The following RNF38 variants were observed in gnomAD, a reference collection of about 807,000 sequenced individuals.
RNF38 encodes the protein ring finger protein 38.
Under a neutral mutation model 67.2 loss-of-function variants are expected in RNF38, and 15 were observed. The ratio of observed to expected loss-of-function variants is 0.22; its 90% CI spans 0.15 to 0.34. The LOEUF (loss-of-function observed/expected upper bound fraction) is 0.34. Ranked by LOEUF, RNF38 falls within the 10% of genes least tolerant of loss-of-function variation. The pLI is 1.00. For missense variants in RNF38, 524 were observed against 639.9 expected (o/e 0.82, Z 1.95); for synonymous variants, 220 against 218.8 (o/e 1.01, Z -0.05).
At chr9:36,485,158 C>A (rs1429004721) in intron 1 of RNF38, among the ~76,000 whole-genome samples, 1 of 152,178 alleles carries the variant, frequency 6.6e-6, no homozygotes, top group African/African-American at 2.4e-5. Flanking sequence ...GACAGAGAGA[C>A]TCCGTCTCAA....
chr9:36,465,347 TTTC>T (rs534743526), intron 1 of RNF38, among the ~76,000 whole-genome samples: 2 of 152,182 alleles, frequency 1.3e-5, no homozygotes, highest in Non-Finnish European at 2.9e-5. Context: ...GCATTCTTTT[TTTC>T]TTTTTTTTCT....
At position 36,353,259 on chromosome 9, in the gene RNF38, G is replaced by T. The variant is rs755234886; in HGVS notation, c.982C>A (p.Pro328Thr). 6.2e-7 allele frequency: 1 copy of T among 1,613,502 alleles called. No homozygotes were observed. The highest frequency in any genetic ancestry group is 2.2e-5 in the East Asian group (1 of 44,864). ...GGTAATGTTGGGGGGTGGGCTGATG[G>T]AGGGTAAGTAAAACCTCCTACTGGA... ...HLPVGGFTYP[P>T]SAHPPTLPPS... is the part of the protein sequence containing the mutation. Residue 328 changes from proline (P) to threonine (T), a missense_variant, in exon 7 of 12, where the codon CCA becomes ACA. Pro to Thr is a conservative substitution (Grantham distance 38). Coordinates refer to ENST00000259605, the MANE Select transcript of RNF38 (RefSeq NM_022781.5).
chr9:36,423,948 CAAAAAAAAAAAAA>C (rs1176900248), intron 2 of RNF38, among the ~76,000 whole-genome samples: 1 of 7,408 alleles, frequency 1.3e-4, no homozygotes, highest in African/African-American at 4.4e-4. Flanking sequence ...GACTCCGTCT[CAAAAAAAAAAAAA>C]AAAAAAAAAA....
intron 1 of RNF38, among the ~76,000 whole-genome samples, chr9:36,467,013 T>C (rs1306881962): frequency 1.4e-5 from 2 of 145,358 alleles, no homozygotes; most frequent in African/African-American, 2.6e-5. Flanking sequence ...ACCCCGTCTC[T>C]ACTAAAAATA....
intron 3 of RNF38, among the ~76,000 whole-genome samples, chr9:36,371,026 C>G (rs191767080): frequency 6.6e-6 from 1 of 152,228 alleles, no homozygotes; most frequent in East Asian, 1.9e-4. Flanking sequence ...TCATTTTGTT[C>G]TTCTCTGAAA....
intron 4 of RNF38, among the ~76,000 whole-genome samples, chr9:36,366,688 G>A (rs1368197044): frequency 6.6e-6 from 1 of 152,162 alleles, no homozygotes; most frequent in African/African-American, 2.4e-5. Flanking sequence ...TGTGGTAATA[G>A]TCAGCATCCT....
chr9:36,401,326 G>C (rs556020337), upstream of RNF38: 116 of 569,174 alleles, frequency 2.0e-4, no homozygotes, highest in South Asian at 3.1e-4. Flanking sequence ...CTGCCCTGCG[G>C]ACCGCAGGGC....
chr9:36,356,553 G>A (rs1172092878), intron 5 of RNF38, 80 bp from the exon 6 acceptor site: 6 of 1,211,590 alleles, frequency 5.0e-6, no homozygotes, highest in South Asian at 1.7e-5. Context: ...ATTAAAATCT[G>A]TCATTGTCAC....
Position 36,339,606 on chromosome 9 carries a change from T to G in RNF38, c.*146A>C, listed in dbSNP as rs1486552079. On this transcript the variant is annotated 3_prime_UTR_variant, in exon 12 of 12. Coordinates refer to ENST00000259605, the MANE Select transcript of RNF38 (RefSeq NM_022781.5). ...GAAGACTAATTGTAAGCTTTTATAG[T>G]TGATTAAGTCACACAGTGCAAAGAA... 1.6e-6 allele frequency: 1 copy of G among 618,490 alleles called. No homozygotes were observed. Among genetic ancestry groups the G allele is most frequent in the African/African-American group, 1.8e-5 (1 of 54,350 alleles). The allele number at this position is 618,490 out of a possible 1,614,324, so 38.3% of individuals were successfully genotyped here. A position where few individuals can be genotyped will look rare whatever the true frequency, so the allele number is the denominator to read the frequency against.
chr9:36,431,769 C>T (rs528919885), intron 1 of RNF38, among the ~76,000 whole-genome samples: 10 of 152,208 alleles, frequency 6.6e-5, no homozygotes, highest in South Asian at 2.1e-4. Flanking sequence ...ATCTTCAGCC[C>T]CTCTCCTCTC....
At chr9:36,469,488 C>T (rs1390845728) in intron 1 of RNF38, among the ~76,000 whole-genome samples, 1 of 151,576 alleles carries the variant, frequency 6.6e-6, no homozygotes, top group African/African-American at 2.4e-5. Flanking sequence ...GGAGAAACCC[C>T]ATCTCTACTA....
At chr9:36,449,438 T>C (rs1159268223) in intron 1 of RNF38, among the ~76,000 whole-genome samples, 1 of 151,776 alleles carries the variant, frequency 6.6e-6, no homozygotes, top group Non-Finnish European at 1.5e-5. Flanking sequence ...CTCTCTCTTT[T>C]TTTTCCTTTT....
At position 36,354,599 on chromosome 9, in the gene RNF38, A is replaced by G. The variant is rs138319798; in HGVS notation, c.910-1268T>C. Reference sequence around the variant, plus strand: ...CTCATCTGTTTCGCAGACTTTATCAATGCTTCACTCCTTTTTATGAGTGAG... The same window carrying G: ...CTCATCTGTTTCGCAGACTTTATCAGTGCTTCACTCCTTTTTATGAGTGAG... On this transcript the variant is annotated intron_variant, in intron 6 of 11. Transcript: ENST00000259605. 2.8e-4 allele frequency among the ~76,000 whole-genome samples: 43 copies of G among 152,304 alleles called. No individual in the cohort carries two copies. The East Asian group carries it at 8.1e-3, about 29-fold the overall frequency.
chr9:36,430,382 A>G (rs1838902249), intron 1 of RNF38, among the ~76,000 whole-genome samples: 1 of 151,892 alleles, frequency 6.6e-6, no homozygotes, highest in Non-Finnish European at 1.5e-5. Flanking sequence ...AATTTTTTGT[A>G]TTTAGTAGAG....
intron 1 of RNF38, among the ~76,000 whole-genome samples, chr9:36,479,618 G>C (rs934484849): frequency 2.0e-5 from 3 of 152,218 alleles, no homozygotes; most frequent in East Asian, 3.9e-4. Flanking sequence ...CCTTAAGTGA[G>C]GAAGTTTTGA....
At chr9:36,440,844 C>T (rs1839175356) in intron 1 of RNF38, among the ~76,000 whole-genome samples, 1 of 152,130 alleles carries the variant, frequency 6.6e-6, no homozygotes, top group Non-Finnish European at 1.5e-5. Context: ...TCACACAAGG[C>T]ACTTACATAA....
intron 1 of RNF38, among the ~76,000 whole-genome samples, chr9:36,398,686 A>T (rs1235621297): frequency 1.3e-5 from 2 of 152,236 alleles, no homozygotes; most frequent in East Asian, 3.8e-4. Context: ...ATGGAAGTGA[A>T]AACTGTCTGA....
intron 1 of RNF38, among the ~76,000 whole-genome samples, chr9:36,473,921 C>T (rs565632562): frequency 5.7e-5 from 8 of 141,150 alleles, no homozygotes; most frequent in Admixed American, 3.0e-4. Context: ...GGGAGGCGGA[C>T]GTTGCAGCGA....
intron 1 of RNF38, among the ~76,000 whole-genome samples, chr9:36,436,795 ACGGGCGACAGAG>A: frequency 7.0e-6 from 1 of 143,142 alleles, no homozygotes. Flanking sequence ...GCACTCCAGC[ACGGGCGACAGAG>A]CGAGACTCCT....
Sources: allele counts gnomAD v4.1 joint callset (sites outside exome capture counted in the v4.1 genomes callset), GRCh38; gene constraint gnomAD v4.1.1; transcripts MANE v1.5; gene names NCBI Gene and HGNC (gene_info 2026-07-23, HGNC 2026-07-21).